The following OXCT1 variants were observed in gnomAD, a reference collection of about 807,000 sequenced individuals.
The protein encoded by OXCT1 is 3-oxoacid CoA-transferase 1.
A neutral mutation model predicts 69.6 loss-of-function variants in OXCT1; 27 were observed. The ratio of observed to expected loss-of-function variants is 0.39; its 90% CI spans 0.29 to 0.54. OXCT1 has a LOEUF of 0.54. OXCT1 is among the 20% of genes least tolerant of loss of function. The probability of loss-of-function intolerance (pLI) is 0.72; values close to 1 mark genes in which losing one functional copy is unlikely to be tolerated. For synonymous variants in OXCT1, 202 were observed against 217.8 expected, an observed-to-expected ratio of 0.93 and a Z score of 0.64; for missense variants, 437 against 650.2, an observed-to-expected ratio of 0.67 and a Z score of 3.57.
chr5:41,803,192 A>G (rs1355050027), intron 9 of OXCT1, 29 bp from the exon 10 acceptor site: 1 of 1,428,994 alleles, frequency 7.0e-7, no homozygotes, highest in Non-Finnish European at 9.9e-7. Flanking sequence ...AAGGTCCAGC[A>G]TATAAAAGGT....
At chr5:41,756,891 C>G (rs1408370664) in intron 14 of OXCT1, among the ~76,000 whole-genome samples, 2 of 151,926 alleles carry the variant, frequency 1.3e-5, no homozygotes, top group Non-Finnish European at 2.9e-5. Flanking sequence ...GATATTCTTA[C>G]GATGTTCTAG....
At chr5:41,814,642 G>A (rs549158394) in intron 7 of OXCT1, among the ~76,000 whole-genome samples, 2 of 146,532 alleles carry the variant, frequency 1.4e-5, no homozygotes, top group Non-Finnish European at 1.5e-5. Context: ...ACCAAACACC[G>A]CATATTCTCA....
At chr5:41,860,097 T>C (rs1348381882) in intron 3 of OXCT1, among the ~76,000 whole-genome samples, 1 of 151,726 alleles carries the variant, frequency 6.6e-6, no homozygotes, top group South Asian at 2.1e-4. Context: ...CAAGTCAAAT[T>C]AAAGGGCATA....
rs755629391 is a variant in OXCT1, at chr5:41,731,682, G to T, written c.*47C>A. 1.4e-5 allele frequency: 22 copies of T among 1,575,934 alleles called. No individual in the cohort carries two copies. The highest frequency in any genetic ancestry group is 7.2e-5 in the Admixed American group (4 of 55,256). ...ATTGATGTCCTTTCAATTAAATCTT[G>T]TGTGTTTAAAATGAAAAACACGCAG... is the stretch of plus-strand genomic sequence containing the variant. On this transcript the variant is annotated 3_prime_UTR_variant, in exon 17 of 17. Coordinates refer to ENST00000196371, the MANE Select transcript of OXCT1 (RefSeq NM_000436.4).
chr5:41,764,142 G>A (rs1744483526), intron 13 of OXCT1, among the ~76,000 whole-genome samples: 1 of 152,098 alleles, frequency 6.6e-6, no homozygotes, highest in Non-Finnish European at 1.5e-5. Context: ...AACCTTTAAA[G>A]CACTATTTTG....
Position 41,762,160 on chromosome 5 carries a change from A to G in OXCT1, c.1289T>C (p.Val430Ala), listed in dbSNP as rs1203233152. 1.2e-6 allele frequency: 2 copies of G among 1,613,440 alleles called. No homozygotes were observed. The change falls in exon 14 of 17, where the codon GTG becomes GCG. Residue 430 changes from valine (V) to alanine (A), a missense_variant. Coordinates refer to ENST00000196371, the MANE Select transcript of OXCT1 (RefSeq NM_000436.4). The surrounding 1 kb of genome is among the most constrained non-coding windows in gnomAD (Gnocchi z 4.0). The stretch of plus-strand genomic sequence containing the variant: ...CACCACTTTGGTTTTCGCACTGGAC[A>G]CTAAATCCATAGCACCTCCCATTCC... ...VKGMGGAMDLVSSAKTKVVVT... is the reference protein window; with the variant it reads ...VKGMGGAMDLASSAKTKVVVT...
chr5:41,780,909 T>A (rs1229122390), intron 13 of OXCT1, among the ~76,000 whole-genome samples: 1 of 151,462 alleles, frequency 6.6e-6, no homozygotes, highest in Non-Finnish European at 1.5e-5. Context: ...CTCCCACATT[T>A]TTTTTTTTTT....
chr5:41,867,100 A>G (rs978880742), intron 1 of OXCT1, among the ~76,000 whole-genome samples: 3 of 152,018 alleles, frequency 2.0e-5, no homozygotes, highest in African/African-American at 7.2e-5. Context: ...TTTTATTTCC[A>G]TAGGTTTTTG....
chr5:41,744,420 T>C lies in OXCT1; in HGVS notation c.1420-4929A>G, dbSNP rs566422946. ...TCATGTCATCTGCAAACAGGGACAA[T>C]TTGACTTCCTCTTTTCCTAATTGAA... On this transcript the variant is annotated intron_variant, in intron 15 of 16. Transcript: ENST00000196371. Among the ~76,000 whole-genome samples, 4 of 152,248 alleles carry C rather than the reference T, an allele frequency of 2.6e-5. No individual in the cohort carries two copies. The South Asian group carries it at 8.3e-4, about 32-fold the overall frequency.
chr5:41,842,768 T>C lies in OXCT1; in HGVS notation c.578A>G (p.Asn193Ser), dbSNP rs777419827. ...ASKPREVREF[N>S]GQHFILEEAI... ...TTCCTCCAAAATAAAGTGCTGACCA[T>C]TGAACTCCCTCACCTGCAGAAGAGG... is the stretch of plus-strand genomic sequence containing the variant. The change falls in exon 6 of 17, where the codon AAT becomes AGT. Residue 193 changes from asparagine (N) to serine (S), a missense_variant. Coordinates refer to ENST00000196371, the MANE Select transcript of OXCT1 (RefSeq NM_000436.4). The C allele has an allele frequency of 6.2e-7, 1 of 1,612,112 alleles. No individual in the cohort carries two copies. The highest frequency in any genetic ancestry group is 1.7e-5 in the Admixed American group (1 of 59,994).
At chr5:41,847,800 A>G (rs1356020395) in intron 5 of OXCT1, among the ~76,000 whole-genome samples, 1 of 151,726 alleles carries the variant, frequency 6.6e-6, no homozygotes, top group Admixed American at 6.6e-5. Flanking sequence ...AGAGCTATCT[A>G]TGACAAACCC....
At chr5:41,765,222 T>C (rs1222279710) in intron 13 of OXCT1, among the ~76,000 whole-genome samples, 2 of 152,278 alleles carry the variant, frequency 1.3e-5, no homozygotes, top group Middle Eastern at 3.4e-3. Flanking sequence ...GGGGTGGCCA[T>C]GTGCCTGAGT....
intron 13 of OXCT1, among the ~76,000 whole-genome samples, chr5:41,787,195 G>GATATTCT (rs1745679626): frequency 6.6e-6 from 1 of 152,108 alleles, no homozygotes; most frequent in South Asian, 2.1e-4. Flanking sequence ...TATTTCTAGG[G>GATATTCT]ATTTGTACTA....
chr5:41,834,487 C>CAAAAAA (rs1209653207), intron 7 of OXCT1, among the ~76,000 whole-genome samples: 25 of 75,050 alleles, frequency 3.3e-4, no homozygotes, highest in African/African-American at 7.6e-4. Flanking sequence ...TGGAAACCCA[C>CAAAAAA]AAAAAAAAAA....
chr5:41,826,258 T>C (rs1376592595), intron 7 of OXCT1, among the ~76,000 whole-genome samples: 2 of 152,230 alleles, frequency 1.3e-5, no homozygotes, highest in East Asian at 1.9e-4. Flanking sequence ...TTTTTGATCA[T>C]GCACTAAGAT....
intron 13 of OXCT1, among the ~76,000 whole-genome samples, chr5:41,774,551 G>A (rs1367465783): frequency 6.6e-6 from 1 of 152,196 alleles, no homozygotes; most frequent in Non-Finnish European, 1.5e-5. Flanking sequence ...GGGTAGACCA[G>A]CAAACCTGAA....
At chr5:41,795,546 A>G (rs1746137322) in intron 11 of OXCT1, among the ~76,000 whole-genome samples, 1 of 152,202 alleles carries the variant, frequency 6.6e-6, no homozygotes, top group African/African-American at 2.4e-5. Context: ...TGAACATAAG[A>G]AGGAATGCAA....
At chr5:41,819,187 A>G (rs1363882241) in intron 7 of OXCT1, among the ~76,000 whole-genome samples, 2 of 152,212 alleles carry the variant, frequency 1.3e-5, no homozygotes, top group African/African-American at 2.4e-5. Context: ...ACCAAAAGAG[A>G]GCAAAATTAG....
chr5:41,864,713 T>G (rs898207896), intron 1 of OXCT1, among the ~76,000 whole-genome samples: 2 of 152,184 alleles, frequency 1.3e-5, no homozygotes, highest in Non-Finnish European at 2.9e-5. Context: ...ATCCAAGGTT[T>G]TATTTGGCCT....
Sources: gnomAD v4.1 joint callset for allele counts (sites outside exome capture counted in the v4.1 genomes callset) on GRCh38, gnomAD v4.1.1 for gene constraint, Gnocchi (gnomAD v3.1) non-coding constraint, MANE v1.5 for transcripts, NCBI Gene and HGNC (gene_info 2026-07-23, HGNC 2026-07-21) for gene names.